The following TCF7L1 variants were observed in gnomAD, a reference collection of about 807,000 sequenced individuals.
TCF7L1 encodes transcription factor 7 like 1, also known as transcription factor 7-like 1.
In TCF7L1, 18 loss-of-function variants were observed where a neutral mutation model predicts 63.7. That is an observed-to-expected ratio of 0.28 (90% CI 0.20 to 0.42). The LOEUF (loss-of-function observed/expected upper bound fraction) is 0.42. Ranked by LOEUF, TCF7L1 falls within the 10% of genes least tolerant of loss-of-function variation. The probability of loss-of-function intolerance (pLI) is 1.00; values close to 1 mark genes in which losing one functional copy is unlikely to be tolerated. For missense variants in TCF7L1, 654 were observed against 779.3 expected (o/e 0.84, Z 1.91); for synonymous variants, 355 against 340.9 (o/e 1.04, Z -0.46).
chr2:85,193,536 A>G (rs1236849149), intron 3 of TCF7L1, among the ~76,000 whole-genome samples: 1 of 152,178 alleles, frequency 6.6e-6, no homozygotes, highest in Non-Finnish European at 1.5e-5. Context: ...AAAAATAAAT[A>G]AGTAAATAAA....
chr2:85,269,901 G>T (rs762920501), intron 3 of TCF7L1, among the ~76,000 whole-genome samples: 3 of 152,204 alleles, frequency 2.0e-5, no homozygotes, highest in Non-Finnish European at 4.4e-5. Context: ...CAATGGCCCT[G>T]TATAGAGGTG....
At chr2:85,214,949 G>A (rs960289810) in intron 3 of TCF7L1, among the ~76,000 whole-genome samples, 5 of 152,112 alleles carry the variant, frequency 3.3e-5, no homozygotes, top group African/African-American at 1.2e-4. Context: ...ACCTGATTTG[G>A]TTCAGTCCAG....
intron 3 of TCF7L1, among the ~76,000 whole-genome samples, chr2:85,219,269 A>C (rs1257867833): frequency 6.6e-6 from 1 of 152,254 alleles, no homozygotes; most frequent in African/African-American, 2.4e-5. Flanking sequence ...AAGTCTAAGC[A>C]TACTGGTGTT....
At chr2:85,270,445 AC>A (rs1681123542) in intron 3 of TCF7L1, among the ~76,000 whole-genome samples, 1 of 152,072 alleles carries the variant, frequency 6.6e-6, no homozygotes, top group Non-Finnish European at 1.5e-5. Context: ...CCTCCTTCTC[AC>A]CAGACAGAAC....
At chr2:85,289,613 C>T (rs979497203) in intron 4 of TCF7L1, among the ~76,000 whole-genome samples, 1 of 152,184 alleles carries the variant, frequency 6.6e-6, no homozygotes, top group Non-Finnish European at 1.5e-5. Context: ...AACTTTGCCA[C>T]CTCTCTCTTC....
intron 3 of TCF7L1, among the ~76,000 whole-genome samples, chr2:85,256,546 G>A (rs1013348731): frequency 2.0e-5 from 3 of 152,228 alleles, no homozygotes; most frequent in African/African-American, 7.2e-5. Flanking sequence ...TAACAGTGGG[G>A]CCTTGTGTGT....
In TCF7L1 at chr2:85,159,638, A is replaced by G. The variant is rs570459205; in HGVS notation, c.441+25188A>G. Among the ~76,000 whole-genome samples the G allele has an allele frequency of 3.1e-3, 477 of 152,286 alleles. 1 individual carries two copies. The highest frequency in any genetic ancestry group is 5.9e-3 in the Non-Finnish European group (400 of 68,028). ...TGGTACTGGCCCTTTGACCTACTGG[A>G]GATGGGAGAAGCCCCAGAGAAATTC... On this transcript the variant is annotated intron_variant, in intron 3 of 11. Coordinates refer to ENST00000282111, the MANE Select transcript of TCF7L1 (RefSeq NM_031283.3).
At chr2:85,172,520 A>G (rs1400778981) in intron 3 of TCF7L1, among the ~76,000 whole-genome samples, 2 of 152,060 alleles carry the variant, frequency 1.3e-5, no homozygotes, top group Admixed American at 6.5e-5. Flanking sequence ...TCTGCCTCCC[A>G]GGTTCAAGCG....
rs978396956 is a variant in TCF7L1, at chr2:85,179,044, C to T, written c.441+44594C>T. 2.0e-5 allele frequency among the ~76,000 whole-genome samples: 3 copies of T among 152,216 alleles called. No homozygotes were observed. In the East Asian group the frequency reaches 5.8e-4, roughly 29 times the overall value. On this transcript the variant is annotated intron_variant, in intron 3 of 11. Transcript: ENST00000282111. ...AAGGGAGGGCTCCTGGAAGACAGAG[C>T]TGGTGCTTCTCTCCACCTCTGAGCT... is the stretch of plus-strand genomic sequence containing the variant.
chr2:85,220,510 C>T (rs1679818308), intron 3 of TCF7L1, among the ~76,000 whole-genome samples: 1 of 152,038 alleles, frequency 6.6e-6, no homozygotes, highest in Non-Finnish European at 1.5e-5. Flanking sequence ...GGACTACAGG[C>T]ACGCGCCTCC....
intron 3 of TCF7L1, among the ~76,000 whole-genome samples, chr2:85,258,235 G>T (rs1680768511): frequency 6.6e-6 from 1 of 152,088 alleles, no homozygotes; most frequent in African/African-American, 2.4e-5. Context: ...GAGCAGGGGG[G>T]GCCTGCATTG....
At chr2:85,147,418 A>T (rs1677906294) in intron 3 of TCF7L1, among the ~76,000 whole-genome samples, 2 of 152,018 alleles carry the variant, frequency 1.3e-5, no homozygotes, top group African/African-American at 2.4e-5. Context: ...TCCCCACGTG[A>T]TGCTGTGGGA....
chr2:85,136,623 G>T (rs1203727161), intron 3 of TCF7L1, among the ~76,000 whole-genome samples: 2 of 152,054 alleles, frequency 1.3e-5, no homozygotes, highest in Non-Finnish European at 2.9e-5. Context: ...CCTACATCTT[G>T]TCTCCCTGGT....
At chr2:85,236,639 G>C (rs76146746) in intron 3 of TCF7L1, among the ~76,000 whole-genome samples, 3 of 152,120 alleles carry the variant, frequency 2.0e-5, no homozygotes, top group African/African-American at 7.2e-5. Context: ...GAGCCTTGCC[G>C]GGGATCAGTT....
chr2:85,285,536 C>T (rs1319744373), intron 4 of TCF7L1, among the ~76,000 whole-genome samples: 1 of 152,210 alleles, frequency 6.6e-6, no homozygotes, highest in Non-Finnish European at 1.5e-5. Context: ...CAGCCAGTCG[C>T]CAAGGCACAA....
At chr2:85,308,362 T>A (rs1330189373) in intron 11 of TCF7L1, among the ~76,000 whole-genome samples, 2 of 145,928 alleles carry the variant, frequency 1.4e-5, no homozygotes, top group African/African-American at 5.1e-5. Context: ...CCTCCCTCCC[T>A]TTCTTCCTCC....
intron 3 of TCF7L1, among the ~76,000 whole-genome samples, chr2:85,258,348 C>A (rs544379834): frequency 2.6e-5 from 4 of 152,276 alleles, no homozygotes; most frequent in Middle Eastern, 3.4e-3. Context: ...GATCCTGAGG[C>A]TTGAGAGCCT....
rs568505326 is a variant in TCF7L1 at position 85,150,522 on chromosome 2, G to A, written c.441+16072G>A. On this transcript the variant is annotated intron_variant, in intron 3 of 11. Coordinates refer to ENST00000282111, the MANE Select transcript of TCF7L1 (RefSeq NM_031283.3). ...GCTGGTATTACAGGCGTGAGCCACCGCGCCCGGCCATGTTCTTGACTCTTT... is the reference window on the plus strand; with the variant it reads ...GCTGGTATTACAGGCGTGAGCCACCACGCCCGGCCATGTTCTTGACTCTTT... Among the ~76,000 whole-genome samples, 5 of 151,716 alleles carry A rather than the reference G, an allele frequency of 3.3e-5. No homozygotes were observed. In the East Asian group the frequency reaches 7.7e-4, roughly 23 times the overall value.
intron 4 of TCF7L1, among the ~76,000 whole-genome samples, chr2:85,291,685 A>T (rs1681720360): frequency 6.6e-6 from 1 of 152,100 alleles, no homozygotes; most frequent in Admixed American, 6.6e-5. Flanking sequence ...GGTTCAAGAG[A>T]TTCTCCTGTC....
Sources: allele counts gnomAD v4.1 joint callset (sites outside exome capture counted in the v4.1 genomes callset), GRCh38; gene constraint gnomAD v4.1.1; transcripts MANE v1.5; gene names NCBI Gene and HGNC (gene_info 2026-07-23, HGNC 2026-07-21).